The following UBE2D4 variants were observed in gnomAD, a reference collection of about 807,000 sequenced individuals.
The protein encoded by UBE2D4 is ubiquitin-conjugating enzyme E2 D4.
In UBE2D4, 17 loss-of-function variants were observed where a neutral mutation model predicts 23.0. That is an observed-to-expected ratio of 0.74 (90% CI 0.51 to 1.11). UBE2D4 has a LOEUF of 1.11. Ranked by LOEUF, UBE2D4 falls within the 50% of genes least tolerant of loss-of-function variation. The probability of loss-of-function intolerance (pLI) is 0.00; values close to 1 mark genes in which losing one functional copy is unlikely to be tolerated. For missense variants in UBE2D4, 139 were observed against 181.8 expected (o/e 0.76, Z 1.35); for synonymous variants, 61 against 69.4 (o/e 0.88, Z 0.60).
intron 2 of UBE2D4, among the ~76,000 whole-genome samples, chr7:43,939,140 G>C (rs2095965295): frequency 6.6e-6 from 1 of 152,214 alleles, no homozygotes; most frequent in Non-Finnish European, 1.5e-5. Context: ...AATATTGTTG[G>C]AGTTGGTCTA....
rs1429072832 is a variant in UBE2D4 at position 43,952,870 on chromosome 7, G to A, written c.*175G>A. ...TGTTGGTGCCATTTTCAGCAATTAC[G>A]GCTTTGACAGTGCCACCTCTTTGAT... On this transcript the variant is annotated 3_prime_UTR_variant, in exon 7 of 7. Coordinates refer to ENST00000222402, the MANE Select transcript of UBE2D4 (RefSeq NM_015983.4). 43 of 585,308 alleles carry A rather than the reference G, an allele frequency of 7.3e-5. No individual in the cohort carries two copies. Among genetic ancestry groups the A allele is most frequent in the Non-Finnish European group, 1.1e-4 (35 of 320,882 alleles). The allele number at this position is 585,308 out of a possible 1,614,324, so 36.3% of individuals were successfully genotyped here.
chr7:43,939,390 C>T (rs938451863), intron 2 of UBE2D4, among the ~76,000 whole-genome samples: 11 of 152,236 alleles, frequency 7.2e-5, no homozygotes, highest in Non-Finnish European at 1.3e-4. Context: ...AGGTGCTGGC[C>T]GAGGCTGAGC....
intron 1 of UBE2D4, among the ~76,000 whole-genome samples, chr7:43,933,160 G>GTATA (rs150783942): frequency 1.4e-5 from 2 of 147,230 alleles, no homozygotes; most frequent in South Asian, 2.1e-4. Context: ...ATGTGTGGGT[G>GTATA]TATATATATA....
intron 1 of UBE2D4, among the ~76,000 whole-genome samples, chr7:43,927,376 A>G (rs980423080): frequency 4.0e-5 from 6 of 149,908 alleles, no homozygotes; most frequent in African/African-American, 9.9e-5. Context: ...ACAGTGGCAC[A>G]ATCATGGCTC....
chr7:43,935,771 G>A (rs777754865), intron 1 of UBE2D4, among the ~76,000 whole-genome samples: 3 of 152,174 alleles, frequency 2.0e-5, no homozygotes, highest in Non-Finnish European at 4.4e-5. Flanking sequence ...CAAAAACGTG[G>A]TACTTGATGC....
chr7:43,938,781 A>T (rs1011593669), intron 2 of UBE2D4, among the ~76,000 whole-genome samples: 1 of 152,252 alleles, frequency 6.6e-6, no homozygotes, highest in Admixed American at 6.5e-5. Context: ...GGTTGCAGTG[A>T]GCCAAGATCG....
chr7:43,955,087 C>G lies in UBE2D4; in HGVS notation c.*2392C>G, dbSNP rs993950943. On this transcript the variant is annotated 3_prime_UTR_variant, in exon 7 of 7. Transcript: ENST00000222402. The stretch of plus-strand genomic sequence containing the variant: ...GTACCTTCCAGATCTCTCAGCAAAT[C>G]CCCTGGGCAGAAATGTCACCTGCTT... The G allele has an allele frequency of 6.6e-6, 1 of 152,174 alleles. No homozygotes were observed. Among genetic ancestry groups the G allele is most frequent in the African/African-American group, 2.4e-5 (1 of 41,432 alleles). The allele number at this position is 152,174 out of a possible 1,614,324, so 9.4% of individuals were successfully genotyped here. A position where few individuals can be genotyped will look rare whatever the true frequency, so the allele number is the denominator to read the frequency against.
intron 5 of UBE2D4, 200 bp downstream of exon 5, chr7:43,948,937 G>T (rs551025367): frequency 1.8e-6 from 1 of 551,502 alleles, no homozygotes; most frequent in African/African-American, 1.9e-5. Context: ...GCTCCCTGGC[G>T]CTTCTCAGCA....
chr7:43,931,758 G>A (rs906774895), intron 1 of UBE2D4, among the ~76,000 whole-genome samples: 3 of 152,008 alleles, frequency 2.0e-5, no homozygotes, highest in African/African-American at 7.3e-5. Flanking sequence ...GAGTGCAGTG[G>A]TGCAATTTCT....
At position 43,955,424 on chromosome 7, in the gene UBE2D4, C is replaced by T. The variant is rs1002392828; in HGVS notation, c.*2729C>T. Reference sequence around the variant, plus strand: ...GCTGAATGGAGCTGAGATTTTGATCCGCTATCAGACTCCAGAAAGATCCAG... The same window carrying T: ...GCTGAATGGAGCTGAGATTTTGATCTGCTATCAGACTCCAGAAAGATCCAG... On this transcript the variant is annotated 3_prime_UTR_variant, in exon 7 of 7. Coordinates refer to ENST00000222402, the MANE Select transcript of UBE2D4 (RefSeq NM_015983.4). 4 of 152,066 alleles carry T rather than the reference C, an allele frequency of 2.6e-5. No individual in the cohort carries two copies. Among genetic ancestry groups the T allele is most frequent in the South Asian group, 2.1e-4 (1 of 4,810 alleles). The allele number at this position is 152,066 out of a possible 1,614,324, so 9.4% of individuals were successfully genotyped here.
Position 43,944,730 on chromosome 7 carries a change from T to C in UBE2D4, c.198+1699T>C, listed in dbSNP as rs981520574. On this transcript the variant is annotated intron_variant, in intron 4 of 6. Transcript: ENST00000222402. The surrounding 1 kb of genome is among the most constrained non-coding windows in gnomAD (Gnocchi z 4.0). ...CTTCACCACATTGGAGTACAACTGC[T>C]GTTCAAGGGAGTTTGGTTGAAAAAT... The C allele has an allele frequency of 2.0e-5, 3 of 152,266 alleles. No homozygotes were observed. The South Asian group carries it at 6.2e-4, about 31-fold the overall frequency. The allele number at this position is 152,266 out of a possible 1,614,324, so 9.4% of individuals were successfully genotyped here.
chr7:43,934,575 T>A (rs10951746), intron 1 of UBE2D4, among the ~76,000 whole-genome samples: 1 of 151,568 alleles, frequency 6.6e-6, no homozygotes, highest in Non-Finnish European at 1.5e-5. Flanking sequence ...AAACAGAATC[T>A]CACTCTGTCA....
chr7:43,948,587 C>T (rs1470146948), intron 4 of UBE2D4, 45 bp from the exon 5 acceptor site: 3 of 1,302,452 alleles, frequency 2.3e-6, no homozygotes, highest in Non-Finnish European at 2.2e-6. Context: ...TCATTTCCCA[C>T]ACGTCCCTGT....
chr7:43,927,532 T>C (rs2095935183), intron 1 of UBE2D4, among the ~76,000 whole-genome samples: 1 of 152,178 alleles, frequency 6.6e-6, no homozygotes, highest in South Asian at 2.1e-4. Flanking sequence ...CTCATACTCC[T>C]GGGCTTAAGC....
At chr7:43,941,135 A>G (rs1156263712) in intron 2 of UBE2D4, 1 of 152,098 alleles carries the variant, frequency 6.6e-6, no homozygotes, top group Non-Finnish European at 1.5e-5. Flanking sequence ...GTGACAGGAA[A>G]CCCAGGACAG....
At chr7:43,935,844 T>C (rs2095957177) in intron 1 of UBE2D4, among the ~76,000 whole-genome samples, 1 of 152,222 alleles carries the variant, frequency 6.6e-6, no homozygotes, top group South Asian at 2.1e-4. Context: ...TGTCCATTAA[T>C]GGTCTGTGGG....
rs2132809010 is a variant in UBE2D4 at position 43,952,845 on chromosome 7, T to C, written c.*150T>C. 2 of 658,184 alleles carry C rather than the reference T, an allele frequency of 3.0e-6. No individual in the cohort carries two copies. The highest frequency in any genetic ancestry group is 2.8e-5 in the East Asian group (1 of 35,976). 40.8% of individuals were successfully genotyped at this position (658,184 alleles called of 1,614,324 possible). On this transcript the variant is annotated 3_prime_UTR_variant, in exon 7 of 7. Coordinates refer to ENST00000222402, the MANE Select transcript of UBE2D4 (RefSeq NM_015983.4). ...TCACCCACTCTCTCCAGCTGCAGCATGTTGGTGCCATTTTCAGCAATTACG... is the reference window on the plus strand; with the variant it reads ...TCACCCACTCTCTCCAGCTGCAGCACGTTGGTGCCATTTTCAGCAATTACG...
intron 2 of UBE2D4, chr7:43,941,586 C>A (rs925545070): frequency 6.6e-6 from 1 of 152,326 alleles, no homozygotes; most frequent in Non-Finnish European, 1.5e-5. Context: ...ATGAAGGCAG[C>A]ACCCTTGAGG....
Position 43,949,106 on chromosome 7 carries a change from T to A in UBE2D4, c.304+369T>A, listed in dbSNP as rs552446529. 23 of 331,542 alleles carry A rather than the reference T, an allele frequency of 6.9e-5. No homozygotes were observed. The East Asian group carries it at 1.1e-3, about 16-fold the overall frequency. The allele number at this position is 331,542 out of a possible 1,614,324, so 20.5% of individuals were successfully genotyped here. The stretch of plus-strand genomic sequence containing the variant: ...TAATAAGCACAAAACGGACTGTGAG[T>A]CAGCCCTGAAGGAAGATACAGGGCA... On this transcript the variant is annotated intron_variant, in intron 5 of 6. Coordinates refer to ENST00000222402, the MANE Select transcript of UBE2D4 (RefSeq NM_015983.4).
Sources: allele counts gnomAD v4.1 joint callset (sites outside exome capture counted in the v4.1 genomes callset), GRCh38; gene constraint gnomAD v4.1.1; non-coding constraint Gnocchi (gnomAD v3.1); transcripts MANE v1.5; gene names NCBI Gene and HGNC (gene_info 2026-07-23, HGNC 2026-07-21).